Variants in ENTREP1 observed in about 807,000 individuals in gnomAD.
ENTREP1 encodes the protein Friedreich ataxia region gene X123.
chr9:69,347,376 C>T, the ENTREP1 span, among the ~76,000 whole-genome samples: 1 of 152,212 alleles, frequency 6.6e-6, no homozygotes, highest in Non-Finnish European at 1.5e-5. Context: ...CTGCCCGTTA[C>T]CTTCCCTACC....
chr9:69,371,304 A>T, the ENTREP1 span: 1 of 639,838 alleles, frequency 1.6e-6, no homozygotes, highest in Non-Finnish European at 2.8e-6. Context: ...AAGACTTAAG[A>T]GTCAGTGGCA....
At chr9:69,358,525 G>A in the ENTREP1 span, among the ~76,000 whole-genome samples, 6 of 151,978 alleles carry the variant, frequency 3.9e-5, no homozygotes, top group South Asian at 1.0e-3. Context: ...ATTTGTAGCA[G>A]TATCAAAAGG....
the ENTREP1 span, chr9:69,375,813 C>T: frequency 6.2e-7 from 1 of 1,614,030 alleles, no homozygotes; most frequent in South Asian, 1.1e-5. Flanking sequence ...AAGAAAATGC[C>T]TTGAAACTCT....
At chr9:69,377,739 C>T in the ENTREP1 span, 1 of 1,611,158 alleles carries the variant, frequency 6.2e-7, no homozygotes, top group Non-Finnish European at 8.5e-7. Context: ...CCCGGATGAA[C>T]CGCAGGTATC....
At chr9:69,369,888 A>C in the ENTREP1 span, among the ~76,000 whole-genome samples, 1 of 151,968 alleles carries the variant, frequency 6.6e-6, no homozygotes, top group African/African-American at 2.4e-5. Context: ...CCCAATTTTT[A>C]ATTGGGCTGC....
the ENTREP1 span, among the ~76,000 whole-genome samples, chr9:69,326,188 G>C: frequency 2.6e-5 from 4 of 152,122 alleles, no homozygotes; most frequent in Non-Finnish European, 4.4e-5. Flanking sequence ...CAGTTTGACT[G>C]GGGCACATCG....
chr9:69,355,189 C>T, the ENTREP1 span, among the ~76,000 whole-genome samples: 3 of 152,200 alleles, frequency 2.0e-5, no homozygotes, highest in South Asian at 2.1e-4. Flanking sequence ...TCTCACTTCA[C>T]ACCTCTTTCT....
At chr9:69,371,301 A>T in the ENTREP1 span, 5 of 633,092 alleles carry the variant, frequency 7.9e-6, no homozygotes, top group Non-Finnish European at 1.1e-5. Context: ...GAGAAGACTT[A>T]AGAGTCAGTG....
the ENTREP1 span, among the ~76,000 whole-genome samples, chr9:69,390,899 C>G: frequency 7.3e-5 from 11 of 151,184 alleles, no homozygotes; most frequent in Admixed American, 2.0e-4. Context: ...CCTCAGCCTC[C>G]CAAGTAGCTG....
chr9:69,366,105 C>T, the ENTREP1 span, among the ~76,000 whole-genome samples: 1 of 152,146 alleles, frequency 6.6e-6, no homozygotes, highest in Admixed American at 6.6e-5. Flanking sequence ...AATCTCCATA[C>T]TGTGTTTCAT....
chr9:69,383,658 C>T, the ENTREP1 span: 2 of 1,614,088 alleles, frequency 1.2e-6, no homozygotes, highest in South Asian at 2.2e-5. Flanking sequence ...TATTCCCCTG[C>T]CACACATCTA....
the ENTREP1 span, among the ~76,000 whole-genome samples, chr9:69,348,178 G>A: frequency 6.6e-6 from 1 of 152,006 alleles, no homozygotes; most frequent in East Asian, 1.9e-4. Context: ...GCAGTGGCGC[G>A]GACACAGCTC....
chr9:69,328,354 G>A, the ENTREP1 span, among the ~76,000 whole-genome samples: 1 of 152,136 alleles, frequency 6.6e-6, no homozygotes. Flanking sequence ...ACCAGCATAG[G>A]ATTGAGTGGG....
At chr9:69,366,820 G>T in the ENTREP1 span, among the ~76,000 whole-genome samples, 1 of 151,834 alleles carries the variant, frequency 6.6e-6, no homozygotes, top group Non-Finnish European at 1.5e-5. Context: ...TATGTTCTTG[G>T]TGCCTCTGTT....
At chr9:69,337,036 A>G in the ENTREP1 span, among the ~76,000 whole-genome samples, 1 of 60,438 alleles carries the variant, frequency 1.7e-5, no homozygotes, top group Admixed American at 2.4e-4. Flanking sequence ...TTTTTTTTTG[A>G]TACAGTCTCA....
the ENTREP1 span, chr9:69,391,584 C>T: frequency 6.2e-7 from 1 of 1,611,800 alleles, no homozygotes; most frequent in Non-Finnish European, 8.5e-7. Flanking sequence ...TCTCCCCACC[C>T]CTCTCTTTTC....
At chr9:69,386,754 C>T in the ENTREP1 span, 4 of 152,260 alleles carry the variant, frequency 2.6e-5, no homozygotes, top group Non-Finnish European at 4.4e-5. Context: ...AGTCTCAGTT[C>T]TGGCTCTCTG....
chr9:69,373,030 AT>A, the ENTREP1 span, among the ~76,000 whole-genome samples: 1,718 of 108,142 alleles, frequency 0.016, 35 homozygotes, highest in African/African-American at 0.045. Context: ...AAATTGAGTT[AT>A]TTTTTTTTTT....
At chr9:69,349,978 T>C in the ENTREP1 span, among the ~76,000 whole-genome samples, 2 of 152,238 alleles carry the variant, frequency 1.3e-5, no homozygotes, top group Admixed American at 6.5e-5. Flanking sequence ...TGAACCATTG[T>C]TAAGCTGGGG....
Sources: gnomAD v4.1 joint callset for allele counts (sites outside exome capture counted in the v4.1 genomes callset) on GRCh38, gnomAD v4.1.1 for gene constraint, MANE v1.5 for transcripts, NCBI Gene and HGNC (gene_info 2026-07-23, HGNC 2026-07-21) for gene names.